The following DSCAM variants were observed in gnomAD, a reference collection of about 807,000 sequenced individuals.
DSCAM encodes cell adhesion molecule DSCAM.
DSCAM carries 47 observed loss-of-function variants against 217.7 expected under a neutral mutation model. That is an observed-to-expected ratio of 0.22 (90% CI 0.17 to 0.28). The LOEUF (loss-of-function observed/expected upper bound fraction) is 0.28. DSCAM is among the 10% of genes least tolerant of loss of function. DSCAM has a pLI of 1.00. For synonymous variants in DSCAM, 1,056 were observed against 1,015.3 expected (o/e 1.04, Z -0.76); for missense variants, 2,080 against 2,618.3 (o/e 0.79, Z 4.49).
intron 3 of DSCAM, among the ~76,000 whole-genome samples, chr21:40,685,392 G>A (rs2146434496): frequency 6.6e-6 from 1 of 152,256 alleles, no homozygotes; most frequent in Middle Eastern, 3.4e-3. Context: ...TTCATGATGA[G>A]CACCTGCCTT....
intron 3 of DSCAM, among the ~76,000 whole-genome samples, chr21:40,488,283 G>A (rs1165983217): frequency 1.3e-5 from 2 of 152,188 alleles, no homozygotes; most frequent in Admixed American, 6.5e-5. Flanking sequence ...CCGCAGCAAG[G>A]GCTGCTCTGC....
Position 40,322,831 on chromosome 21 carries a change from C to T in DSCAM, c.1784-10472G>A, listed in dbSNP as rs368502986. Among the ~76,000 whole-genome samples, 25 of 152,146 alleles carry T rather than the reference C, an allele frequency of 1.6e-4. No homozygotes were observed. The East Asian group carries it at 3.5e-3, about 21-fold the overall frequency. ...TGAGCCACCACGCCCGGCCAGTGGG[C>T]GCAAATGAATGAAAAAATGTGTTTA... On this transcript the variant is annotated intron_variant, in intron 8 of 32. Transcript: ENST00000400454.
chr21:40,354,975 T>C (rs1438822306), intron 4 of DSCAM, among the ~76,000 whole-genome samples: 4 of 152,324 alleles, frequency 2.6e-5, no homozygotes, highest in African/African-American at 9.6e-5. Flanking sequence ...ATTTATTCAT[T>C]TCACAAATAT....
At chr21:40,639,837 T>G (rs2089855896) in intron 3 of DSCAM, among the ~76,000 whole-genome samples, 1 of 152,190 alleles carries the variant, frequency 6.6e-6, no homozygotes, top group Non-Finnish European at 1.5e-5. Flanking sequence ...AAATGCTTTT[T>G]CCCTCCATAA....
chr21:40,734,645 G>A, intron 1 of DSCAM, among the ~76,000 whole-genome samples: 1 of 152,152 alleles, frequency 6.6e-6, no homozygotes, highest in East Asian at 1.9e-4. Context: ...TGTTTACCAA[G>A]CAGCCTCTTA....
At chr21:40,666,004 C>T (rs990704065) in intron 3 of DSCAM, among the ~76,000 whole-genome samples, 1 of 151,932 alleles carries the variant, frequency 6.6e-6, no homozygotes, top group Non-Finnish European at 1.5e-5. Flanking sequence ...TGGTAAATGT[C>T]TCTCCTGGCT....
chr21:40,214,572 A>G (rs2146888796), intron 11 of DSCAM, among the ~76,000 whole-genome samples: 1 of 152,286 alleles, frequency 6.6e-6, no homozygotes, highest in South Asian at 2.1e-4. Context: ...AGAAGCTGTG[A>G]GTAGCAGCCT....
At chr21:40,605,593 G>A (rs74425297) in intron 3 of DSCAM, among the ~76,000 whole-genome samples, 2,605 of 152,090 alleles carry the variant, frequency 0.017, 61 homozygotes, top group African/African-American at 0.059. Flanking sequence ...ACATGGCTGC[G>A]TCCCAATACA....
At chr21:40,620,285 GA>G (rs2089483711) in intron 3 of DSCAM, among the ~76,000 whole-genome samples, 1 of 106,188 alleles carries the variant, frequency 9.4e-6, no homozygotes, top group Admixed American at 1.0e-4. Context: ...GAGAGAAAGA[GA>G]GAGAAAAAAG....
At chr21:40,474,278 G>A (rs139696302) in intron 3 of DSCAM, among the ~76,000 whole-genome samples, 1 of 151,724 alleles carries the variant, frequency 6.6e-6, no homozygotes, top group African/African-American at 2.4e-5. Flanking sequence ...GGGTGACAGA[G>A]TGAGACTCCG....
At position 40,011,320 on chromosome 21, in the gene DSCAM, C is replaced by A. The variant is rs912709482; in HGVS notation, c.*1714G>T. 1.3e-5 allele frequency: 2 copies of A among 151,888 alleles called. No homozygotes were observed. The highest frequency in any genetic ancestry group is 4.8e-5 in the African/African-American group (2 of 41,318). 9.4% of individuals were successfully genotyped at this position (151,888 alleles called of 1,614,324 possible). A position where few individuals can be genotyped will look rare whatever the true frequency, so the allele number is the denominator to read the frequency against. The stretch of plus-strand genomic sequence containing the variant: ...GAATCTAAGCAGACAAATGGGCCTG[C>A]CTGGAAAATAAATAGAAGGAAGAAA... On this transcript the variant is annotated 3_prime_UTR_variant, in exon 33 of 33. Coordinates refer to ENST00000400454, the MANE Select transcript of DSCAM (RefSeq NM_001389.5).
chr21:40,733,937 C>T (rs2091037797), intron 1 of DSCAM, among the ~76,000 whole-genome samples: 1 of 152,130 alleles, frequency 6.6e-6, no homozygotes, highest in Non-Finnish European at 1.5e-5. Context: ...CCACCTGACC[C>T]CTCTCTATAT....
At chr21:40,553,293 T>C (rs2076645007) in intron 3 of DSCAM, among the ~76,000 whole-genome samples, 1 of 152,256 alleles carries the variant, frequency 6.6e-6, no homozygotes. Context: ...GGAAAGGGCA[T>C]ATGTAGTATC....
intron 8 of DSCAM, among the ~76,000 whole-genome samples, chr21:40,314,567 C>T (rs2074175549): frequency 6.6e-6 from 1 of 152,188 alleles, no homozygotes. Context: ...CTTTAAATCT[C>T]TTGCCCCCAA....
chr21:40,083,474 G>A (rs1017041044), intron 24 of DSCAM, among the ~76,000 whole-genome samples: 4 of 152,164 alleles, frequency 2.6e-5, no homozygotes, highest in African/African-American at 9.7e-5. Flanking sequence ...CCTCAACTAT[G>A]AACTAATTGC....
chr21:40,182,589 GGGGCCAGCAGAGAAACCGTGGACAGAAC>G (rs1412957740), intron 14 of DSCAM, among the ~76,000 whole-genome samples: 66 of 146,352 alleles, frequency 4.5e-4, no homozygotes, highest in African/African-American at 1.6e-3. Context: ...GTGGACAGGA[GGGGCCAGCAGAGAAACCGTGGACAGAAC>G]GGGCCACCAG....
At chr21:40,581,088 C>G (rs2076901960) in intron 3 of DSCAM, among the ~76,000 whole-genome samples, 2 of 152,270 alleles carry the variant, frequency 1.3e-5, no homozygotes, top group Non-Finnish European at 2.9e-5. Flanking sequence ...CAGCAAAACA[C>G]AAATGATCAA....
At chr21:40,298,558 T>C (rs1223929203) in intron 9 of DSCAM, among the ~76,000 whole-genome samples, 1 of 152,224 alleles carries the variant, frequency 6.6e-6, no homozygotes, top group Non-Finnish European at 1.5e-5. Context: ...TAATAAGGAA[T>C]GACTATCTCT....
intron 3 of DSCAM, among the ~76,000 whole-genome samples, chr21:40,472,697 A>G (rs572296014): frequency 3.9e-5 from 6 of 152,226 alleles, no homozygotes; most frequent in Non-Finnish European, 7.4e-5. Flanking sequence ...GTTTTGGAGG[A>G]GTGGTTTTTT....
Sources: allele counts gnomAD v4.1 joint callset (sites outside exome capture counted in the v4.1 genomes callset), GRCh38; gene constraint gnomAD v4.1.1; transcripts MANE v1.5; gene names NCBI Gene and HGNC (gene_info 2026-07-23, HGNC 2026-07-21).